The following VCF1 variants were observed in gnomAD, a reference collection of about 807,000 sequenced individuals.
The protein encoded by VCF1 is protein VCF1.
the VCF1 span, among the ~76,000 whole-genome samples, chr17:73,219,543 G>A: frequency 1.3e-5 from 2 of 151,658 alleles, no homozygotes; most frequent in Non-Finnish European, 2.9e-5. Context: ...CCAGCTACTC[G>A]GGAGGCTGAG....
chr17:73,213,010 C>G, the VCF1 span, among the ~76,000 whole-genome samples: 2 of 151,978 alleles, frequency 1.3e-5, no homozygotes, highest in Non-Finnish European at 2.9e-5. Flanking sequence ...TTTTGGGAGG[C>G]TGAGATGGGC....
the VCF1 span, chr17:73,207,904 T>C: frequency 8.4e-7 from 1 of 1,184,560 alleles, no homozygotes; most frequent in Non-Finnish European, 1.1e-6. Flanking sequence ...TTGTCAAGTA[T>C]CTGGCTTTAA....
the VCF1 span, among the ~76,000 whole-genome samples, chr17:73,211,442 G>A: frequency 0.25 from 37,261 of 151,796 alleles, 5,400 homozygotes; most frequent in East Asian, 0.35. Flanking sequence ...GGTGGCAGGC[G>A]GCTGTAATCC....
the VCF1 span, among the ~76,000 whole-genome samples, chr17:73,219,542 C>T: frequency 2.4e-4 from 36 of 150,282 alleles, no homozygotes; most frequent in Admixed American, 1.5e-3. Flanking sequence ...TCCAGCTACT[C>T]GGGAGGCTGA....
chr17:73,208,985 C>G, the VCF1 span: 1 of 226,052 alleles, frequency 4.4e-6, no homozygotes, highest in Non-Finnish European at 8.8e-6. Context: ...GATTGTTCTC[C>G]TGTTACACAG....
the VCF1 span, chr17:73,227,212 T>C: frequency 1.2e-5 from 19 of 1,588,742 alleles, no homozygotes; most frequent in Non-Finnish European, 1.5e-5. Flanking sequence ...CTACTTCTTT[T>C]GGTCTGGGGG....
At chr17:73,218,846 C>T in the VCF1 span, among the ~76,000 whole-genome samples, 10 of 152,076 alleles carry the variant, frequency 6.6e-5, no homozygotes, top group East Asian at 1.9e-4. Flanking sequence ...GGTGAAACCC[C>T]GTCTCTACTA....
the VCF1 span, among the ~76,000 whole-genome samples, chr17:73,213,796 C>T: frequency 1.3e-5 from 2 of 152,228 alleles, no homozygotes; most frequent in South Asian, 4.1e-4. Flanking sequence ...ATGGCGAAAC[C>T]GCGTCTCTAC....
the VCF1 span, among the ~76,000 whole-genome samples, chr17:73,218,610 C>T: frequency 2.6e-5 from 4 of 152,316 alleles, no homozygotes; most frequent in Admixed American, 6.5e-5. Context: ...TGCTGCCGGG[C>T]GCGGTGGCTC....
chr17:73,208,505 A>G, the VCF1 span: 3 of 1,588,718 alleles, frequency 1.9e-6, no homozygotes, highest in Non-Finnish European at 2.6e-6. Context: ...TATTTCTTCT[A>G]AAGGTGCCTC....
chr17:73,208,813 T>A, the VCF1 span: 1 of 349,992 alleles, frequency 2.9e-6, no homozygotes, highest in Non-Finnish European at 5.5e-6. Flanking sequence ...GTGCCATGTT[T>A]CCTACTAAAG....
chr17:73,214,770 C>G, the VCF1 span, among the ~76,000 whole-genome samples: 32 of 152,288 alleles, frequency 2.1e-4, 1 homozygote, highest in Admixed American at 1.8e-3. Context: ...GAAGTGTTTA[C>G]CTTGTCACAT....
chr17:73,214,633 T>C, the VCF1 span, among the ~76,000 whole-genome samples: 1 of 152,190 alleles, frequency 6.6e-6, no homozygotes, highest in African/African-American at 2.4e-5. Context: ...AAAGTAAACA[T>C]CTTGAAACAG....
At chr17:73,229,797 G>A in the VCF1 span, among the ~76,000 whole-genome samples, 1 of 139,294 alleles carries the variant, frequency 7.2e-6, no homozygotes, top group Non-Finnish European at 1.5e-5. Context: ...GAACCCAGGA[G>A]GTAGAGGTTG....
the VCF1 span, chr17:73,232,297 G>T: frequency 1.9e-6 from 3 of 1,584,980 alleles, no homozygotes; most frequent in Admixed American, 5.1e-5. Context: ...TCTGCTCCGC[G>T]CCCCCCCATG....
chr17:73,218,103 T>C, the VCF1 span, among the ~76,000 whole-genome samples: 3 of 152,252 alleles, frequency 2.0e-5, no homozygotes, highest in Non-Finnish European at 2.9e-5. Flanking sequence ...ACCCATAGTA[T>C]ATACTCCATC....
At chr17:73,227,382 C>A in the VCF1 span, 2 of 832,082 alleles carry the variant, frequency 2.4e-6, no homozygotes, top group South Asian at 2.1e-5. Context: ...AAACATAATT[C>A]AGCATATGAT....
At chr17:73,224,353 G>A in the VCF1 span, among the ~76,000 whole-genome samples, 1 of 151,772 alleles carries the variant, frequency 6.6e-6, no homozygotes, top group Non-Finnish European at 1.5e-5. Flanking sequence ...GCTGATGTAG[G>A]AGTATTGCTT....
chr17:73,230,044 C>T, the VCF1 span, among the ~76,000 whole-genome samples: 1 of 152,020 alleles, frequency 6.6e-6, no homozygotes, highest in Non-Finnish European at 1.5e-5. Context: ...CATCTGTAAT[C>T]CCAGCACTTT....
Sources: allele counts gnomAD v4.1 joint callset (sites outside exome capture counted in the v4.1 genomes callset), GRCh38; gene constraint gnomAD v4.1.1; transcripts MANE v1.5; gene names NCBI Gene and HGNC (gene_info 2026-07-23, HGNC 2026-07-21).